The following SULT6B1 variants were observed in gnomAD, a reference collection of about 807,000 sequenced individuals.
SULT6B1 encodes the protein sulfotransferase family 6B member 1.
Under a neutral mutation model 37.2 loss-of-function variants are expected in SULT6B1, and 44 were observed. The observed-to-expected ratio is 1.18, with a 90% CI of 0.93 to 1.52. SULT6B1 has a LOEUF of 1.52. Among genes scored for constraint, SULT6B1 ranks in the 40% most tolerant of loss-of-function variants. The pLI is 0.00. For synonymous variants in SULT6B1, 140 were observed against 126.0 expected (o/e 1.11, Z -0.74); for missense variants, 450 against 361.0 (o/e 1.25, Z -2.00).
At chr2:37,183,560 G>A (rs1558449968) in intron 2 of SULT6B1, 46 bp from the exon 3 acceptor site, 3 of 1,109,662 alleles carry the variant, frequency 2.7e-6, no homozygotes, top group Non-Finnish European at 4.0e-6. Context: ...GTGTGTGCAT[G>A]TGTGTGTGTG....
chr2:37,181,582 T>C (rs867965117), intron 3 of SULT6B1, among the ~76,000 whole-genome samples: 1 of 151,512 alleles, frequency 6.6e-6, no homozygotes, highest in African/African-American at 2.4e-5. Flanking sequence ...GGTCTCACTA[T>C]GTTGCCAAGG....
At chr2:37,177,801 G>A (rs1029019419) in intron 4 of SULT6B1, among the ~76,000 whole-genome samples, 5 of 151,984 alleles carry the variant, frequency 3.3e-5, no homozygotes, top group African/African-American at 4.8e-5. Context: ...TTGTGTATAC[G>A]GTGAAACATC....
intron 1 of SULT6B1, among the ~76,000 whole-genome samples, chr2:37,187,926 A>G (rs1455537917): frequency 6.6e-6 from 1 of 152,212 alleles, no homozygotes; most frequent in Non-Finnish European, 1.5e-5. Flanking sequence ...TCAAAAGGAG[A>G]TGGTAGAAAG....
At chr2:37,193,597 A>AAAGAAGAAGAAGAAGAAGAAGAAG (rs70949740), upstream of SULT6B1, among the ~76,000 whole-genome samples, 521 of 113,846 alleles carry the variant, frequency 4.6e-3, 6 homozygotes, top group South Asian at 6.0e-3. Context: ...AGAAGAAGAA[A>AAAGAAGAAGAAGAAGAAGAAGAAG]AAGAAGAAGA....
At chr2:37,184,043 C>A (rs1676617356) in intron 2 of SULT6B1, among the ~76,000 whole-genome samples, 1 of 151,844 alleles carries the variant, frequency 6.6e-6, no homozygotes, top group South Asian at 2.1e-4. Context: ...TTTTTTGTAC[C>A]CTGCTTACCA....
chr2:37,179,205 G>A (rs1224749066), intron 4 of SULT6B1, among the ~76,000 whole-genome samples: 3 of 152,126 alleles, frequency 2.0e-5, no homozygotes, highest in Admixed American at 6.6e-5. Context: ...TGATCTGCCC[G>A]CCTCGGCCTC....
chr2:37,176,897 T>A (rs959667451), intron 4 of SULT6B1, among the ~76,000 whole-genome samples: 2 of 152,126 alleles, frequency 1.3e-5, no homozygotes, highest in African/African-American at 4.8e-5. Context: ...AAGGAACACA[T>A]TCGGCTACTG....
Position 37,188,628 on chromosome 2 carries a change from AT to A in SULT6B1, c.12del (p.Lys4AsnfsTer12). On this transcript the variant is annotated frameshift_variant, in exon 1 of 7. Transcript: ENST00000535679. LOFTEE classifies it high-confidence loss of function. ...TCGTCAATGTATTCAATAAATTTGG[AT>A]TTATCAGCCATGGTGGCTCCCTGTA... MAD[K>X]SKFIEYIDEA... 7.6e-7 allele frequency: 1 copy of A among 1,313,306 alleles called. No homozygotes were observed. The highest frequency in any genetic ancestry group is 1.1e-6 in the Non-Finnish European group (1 of 915,146). The allele number at this position is 1,313,306 out of a possible 1,614,324, so 81.4% of individuals were successfully genotyped here. A position where few individuals can be genotyped will look rare whatever the true frequency, so the allele number is the denominator to read the frequency against.
chr2:37,173,116 G>A (rs1374907452), intron 5 of SULT6B1, among the ~76,000 whole-genome samples: 1 of 152,026 alleles, frequency 6.6e-6, no homozygotes, highest in Non-Finnish European at 1.5e-5. Flanking sequence ...GCCTCTCAAA[G>A]TGCTGGGATT....
Position 37,188,630 on chromosome 2 carries a change from T to G in SULT6B1, c.11A>C (p.Lys4Thr). MADKSKFIEYIDEA... is the reference protein window; with the variant it reads MADTSKFIEYIDEA... ...GTCAATGTATTCAATAAATTTGGAT[T>G]TATCAGCCATGGTGGCTCCCTGTAA... Residue 4 changes from lysine (K) to threonine (T), a missense_variant, in exon 1 of 7, where the codon AAA (lysine) becomes ACA (threonine). Physicochemically the swap from Lys to Thr is moderately conservative, Grantham distance 78. Coordinates refer to ENST00000535679, the MANE Select transcript of SULT6B1 (RefSeq NM_001367551.1). 1 of 1,282,704 alleles carries G rather than the reference T, an allele frequency of 7.8e-7. No individual in the cohort carries two copies. The allele number at this position is 1,282,704 out of a possible 1,614,324, so 79.5% of individuals were successfully genotyped here. A position where few individuals can be genotyped will look rare whatever the true frequency, so the allele number is the denominator to read the frequency against.
intron 4 of SULT6B1, among the ~76,000 whole-genome samples, chr2:37,176,993 G>A (rs1676445372): frequency 6.6e-6 from 1 of 152,100 alleles, no homozygotes; most frequent in Admixed American, 6.6e-5. Flanking sequence ...AAAAGTATGA[G>A]AGAGAGGCCA....
intron 1 of SULT6B1, 152 bp from the exon 2 acceptor site, chr2:37,187,619 T>C: frequency 2.1e-6 from 1 of 470,438 alleles, no homozygotes; most frequent in South Asian, 4.3e-5. Context: ...ACTTGGGCTA[T>C]GGAAAGAAAT....
rs1676259422 is a variant in SULT6B1, at chr2:37,169,972, C to G, written c.781+1462G>C. On this transcript the variant is annotated intron_variant, in intron 6 of 6. Transcript: ENST00000535679. Reference sequence around the variant, plus strand: ...GCAATCCTTAAGCTATATTATCACACATTTCCACAAGAACTTAGAATACTT... The same window carrying G: ...GCAATCCTTAAGCTATATTATCACAGATTTCCACAAGAACTTAGAATACTT... Among the ~76,000 whole-genome samples, 12 of 152,332 alleles carry G rather than the reference C, an allele frequency of 7.9e-5. 2 individuals carry two copies. The South Asian group carries it at 2.5e-3, about 32-fold the overall frequency.
Position 37,183,483 on chromosome 2 carries a change from A to C in SULT6B1, c.344T>G (p.Leu115Trp). ...TTTGTCATAGTGGAGGTGAGTTGCC[A>C]AAATCCTTGGTGATGGAAAGCCTTT... ...RMKGFPSPRI[L>W]ATHLHYDKLP... Residue 115 changes from leucine to tryptophan, a missense_variant, in exon 3 of 7, where the codon TTG (leucine) becomes TGG (tryptophan). Coordinates refer to ENST00000535679, the MANE Select transcript of SULT6B1 (RefSeq NM_001367551.1). The C allele has an allele frequency of 6.2e-7, 1 of 1,614,088 alleles. No individual in the cohort carries two copies.
chr2:37,194,593 G>A (rs565248158), intron 1 of SULT6B1: 45 of 368,678 alleles, frequency 1.2e-4, no homozygotes, highest in African/African-American at 7.7e-4. Flanking sequence ...CAAAATTTCC[G>A]GATCTCTTTG....
chr2:37,181,975 G>C (rs899123263), intron 3 of SULT6B1, among the ~76,000 whole-genome samples: 1 of 152,152 alleles, frequency 6.6e-6, no homozygotes, highest in African/African-American at 2.4e-5. Flanking sequence ...CAGCTGCTTA[G>C]TGGAATTCAA....
In SULT6B1 at chr2:37,188,590, T is replaced by C. The variant is rs755900817; in HGVS notation, c.51A>G (p.Lys17=). 225 of 1,556,090 alleles carry C rather than the reference T, an allele frequency of 1.4e-4. No individual in the cohort carries two copies. The highest frequency in any genetic ancestry group is 7.1e-5 in the Non-Finnish European group (80 of 1,127,530). ...AATGAGAGAGTGCAGTTTCTTTTGA[T>C]TTTTCTAAAGCTTCGTCAATGTATT... ...FIEYIDEALE[K]SKETALSHLF... Residue 17 remains lysine, a synonymous_variant, in exon 1 of 7, where the codon AAA becomes AAG. Transcript: ENST00000535679.
intron 3 of SULT6B1, among the ~76,000 whole-genome samples, chr2:37,183,056 G>A (rs1218855822): frequency 1.3e-5 from 2 of 152,034 alleles, no homozygotes; most frequent in Admixed American, 1.3e-4. Context: ...AATAGTTTTA[G>A]GCCTCAGGTA....
chr2:37,182,540 G>A (rs1258053453), intron 3 of SULT6B1, among the ~76,000 whole-genome samples: 1 of 152,138 alleles, frequency 6.6e-6, no homozygotes, highest in Non-Finnish European at 1.5e-5. Flanking sequence ...TGTTGGCCAG[G>A]CTGGTCTCGA....
Sources: allele counts gnomAD v4.1 joint callset (sites outside exome capture counted in the v4.1 genomes callset), GRCh38; gene constraint gnomAD v4.1.1; transcripts MANE v1.5; gene names NCBI Gene and HGNC (gene_info 2026-07-23, HGNC 2026-07-21).